Variants in HYAL4 observed in about 807,000 individuals in gnomAD.
HYAL4 encodes hyaluronidase-4.
In HYAL4, 37 loss-of-function variants were observed where a neutral mutation model predicts 35.2. The ratio of observed to expected loss-of-function variants is 1.05; its 90% CI spans 0.81 to 1.38. The LOEUF is 1.38. Ranked by LOEUF, HYAL4 falls within the 40% of genes most tolerant of loss-of-function variation. The probability of loss-of-function intolerance (pLI) is 0.00; values close to 1 mark genes in which losing one functional copy is unlikely to be tolerated. For synonymous variants in HYAL4, 198 were observed against 203.2 expected, an observed-to-expected ratio of 0.97 and a Z score of 0.22; for missense variants, 572 against 572.4, an observed-to-expected ratio of 1.00 and a Z score of 0.01.
At chr7:123,824,628 A>G (rs114806535), upstream of HYAL4, among the ~76,000 whole-genome samples, 1 of 152,010 alleles carries the variant, frequency 6.6e-6, no homozygotes, top group African/African-American at 2.4e-5. Context: ...TGAACAATGC[A>G]GGCTTTAGCT....
intron 4 of HYAL4, 105 bp from the exon 5 acceptor site, chr7:123,876,649 G>A (rs1807032638): frequency 8.3e-7 from 1 of 1,202,008 alleles, no homozygotes; most frequent in Non-Finnish European, 1.2e-6. Context: ...AACTGTGCTA[G>A]AAGCTCTAAT....
chr7:123,857,669 GTTTCTTTC>G (rs200221721), intron 2 of HYAL4, among the ~76,000 whole-genome samples: 15,457 of 124,434 alleles, frequency 0.12, 964 homozygotes, highest in East Asian at 0.15. Flanking sequence ...TTCTTTGTTT[GTTTCTTTC>G]TTTCTTTCTT....
At chr7:123,859,173 A>G (rs1806526843) in intron 2 of HYAL4, among the ~76,000 whole-genome samples, 1 of 152,228 alleles carries the variant, frequency 6.6e-6, no homozygotes, top group African/African-American at 2.4e-5. Context: ...ATTTAAAATT[A>G]GGCTGAATAA....
chr7:123,796,794 G>A, the HYAL4 span, among the ~76,000 whole-genome samples: 1 of 152,188 alleles, frequency 6.6e-6, no homozygotes, highest in Non-Finnish European at 1.5e-5. Context: ...ACATACTACA[G>A]CATGGATAAA....
At chr7:123,778,021 T>G in the HYAL4 span, among the ~76,000 whole-genome samples, 3 of 152,214 alleles carry the variant, frequency 2.0e-5, no homozygotes, top group East Asian at 5.8e-4. Flanking sequence ...TTTAACTACT[T>G]ATTTTGAAAT....
the HYAL4 span, among the ~76,000 whole-genome samples, chr7:123,809,950 C>G: frequency 6.6e-6 from 1 of 152,162 alleles, no homozygotes; most frequent in African/African-American, 2.4e-5. Flanking sequence ...GTTATAGTCA[C>G]CTACAGATCC....
At chr7:123,839,687 T>A (rs1806022149) in intron 1 of HYAL4, among the ~76,000 whole-genome samples, 1 of 152,370 alleles carries the variant, frequency 6.6e-6, no homozygotes. Flanking sequence ...CTAACTGGTG[T>A]GAGATGGTAT....
chr7:123,765,217 ACT>A, the HYAL4 span, among the ~76,000 whole-genome samples: 37 of 151,804 alleles, frequency 2.4e-4, 1 homozygote, highest in Admixed American at 4.6e-4. Flanking sequence ...AAAAATTGTC[ACT>A]CTGAGGGTGA....
At chr7:123,846,593 G>A (rs1806179146) in intron 1 of HYAL4, among the ~76,000 whole-genome samples, 4 of 152,060 alleles carry the variant, frequency 2.6e-5, no homozygotes, top group Admixed American at 2.6e-4. Flanking sequence ...AAGCAAACGG[G>A]GCTTTCCTGC....
upstream of HYAL4, among the ~76,000 whole-genome samples, chr7:123,842,725 G>T (rs1488755509): frequency 2.0e-5 from 3 of 151,854 alleles, no homozygotes; most frequent in Admixed American, 1.3e-4. Flanking sequence ...CTCTTCTTGT[G>T]GAATTGATCC....
At chr7:123,776,549 G>A in the HYAL4 span, among the ~76,000 whole-genome samples, 5 of 152,090 alleles carry the variant, frequency 3.3e-5, no homozygotes, top group African/African-American at 7.2e-5. Context: ...AAGTGGTTGG[G>A]ACTACAGGTG....
chr7:123,860,699 T>G (rs139045080), intron 2 of HYAL4, among the ~76,000 whole-genome samples: 18 of 152,258 alleles, frequency 1.2e-4, no homozygotes, highest in African/African-American at 3.9e-4. Flanking sequence ...AATTTTGTCT[T>G]CCTAATTATA....
intron 2 of HYAL4, among the ~76,000 whole-genome samples, chr7:123,848,925 A>T (rs1374531052): frequency 6.6e-6 from 1 of 152,154 alleles, no homozygotes; most frequent in African/African-American, 2.4e-5. Context: ...ATATTTAGAG[A>T]TAACAGTCAT....
chr7:123,771,559 A>G, the HYAL4 span, among the ~76,000 whole-genome samples: 1 of 152,100 alleles, frequency 6.6e-6, no homozygotes, highest in African/African-American at 2.4e-5. Flanking sequence ...TATTTTTTCC[A>G]TAGTGTTTCA....
Position 123,868,877 on chromosome 7 carries a change from AC to A in HYAL4, c.606del (p.Ile203SerfsTer41), listed in dbSNP as rs763539448. ...AAGTGCAAAAGCTTTCATGAAGGAA[AC>A]CATCAAATTGGGAATTAAGAGCCGA... ...EESAKAFMKE[T>X]IKLGIKSRPK... On this transcript the variant is annotated frameshift_variant, in exon 3 of 5. Transcript: ENST00000223026. LOFTEE classifies it high-confidence loss of function. 1 of 1,614,210 alleles carries A rather than the reference AC, an allele frequency of 6.2e-7. No individual in the cohort carries two copies. Among genetic ancestry groups the A allele is most frequent in the Non-Finnish European group, 8.5e-7 (1 of 1,180,020 alleles).
intron 2 of HYAL4, among the ~76,000 whole-genome samples, chr7:123,849,295 C>CTCTCTT (rs1000819216): frequency 6.6e-6 from 1 of 151,850 alleles, no homozygotes; most frequent in Non-Finnish European, 1.5e-5. Flanking sequence ...CCCTCTCTCT[C>CTCTCTT]TCTCTTTCTC....
chr7:123,838,394 C>T (rs949151291), intron 1 of HYAL4, among the ~76,000 whole-genome samples: 5 of 151,998 alleles, frequency 3.3e-5, no homozygotes, highest in Middle Eastern at 6.8e-3. Context: ...AATCATGCTA[C>T]GTATGGGCTT....
chr7:123,856,661 G>T (rs1362452351), intron 2 of HYAL4, among the ~76,000 whole-genome samples: 1 of 152,058 alleles, frequency 6.6e-6, no homozygotes, highest in Non-Finnish European at 1.5e-5. Context: ...AGGCATGGGG[G>T]TGAGGGACCC....
chr7:123,779,671 A>T, the HYAL4 span, among the ~76,000 whole-genome samples: 1,043 of 152,238 alleles, frequency 6.9e-3, 15 homozygotes, highest in African/African-American at 0.024. Flanking sequence ...AAAAAATTTT[A>T]AAATTTTCAT....
Sources: gnomAD v4.1 joint callset for allele counts (sites outside exome capture counted in the v4.1 genomes callset) on GRCh38, gnomAD v4.1.1 for gene constraint, MANE v1.5 for transcripts, NCBI Gene and HGNC (gene_info 2026-07-23, HGNC 2026-07-21) for gene names.